KALRN: variants seen among roughly 807,000 people sequenced by gnomAD.
KALRN encodes the protein kalirin.
Under a neutral mutation model 353.7 loss-of-function variants are expected in KALRN, and 70 were observed. That is an observed-to-expected ratio of 0.20 (90% confidence interval 0.16 to 0.24). The LOEUF (loss-of-function observed/expected upper bound fraction) is 0.24, where lower values mean the gene tolerates loss of function less well. Ranked by LOEUF, KALRN falls within the 10% of genes least tolerant of loss-of-function variation. KALRN has a pLI of 1.00. For synonymous variants in KALRN, 1,391 were observed against 1,434.8 expected (o/e 0.97, Z 0.69); for missense variants, 2,791 against 3,756.7 (o/e 0.74, Z 6.72).
At chr3:124,567,516 T>G (rs896256279) in intron 34 of KALRN, among the ~76,000 whole-genome samples, 1 of 152,182 alleles carries the variant, frequency 6.6e-6, no homozygotes, top group African/African-American at 2.4e-5. Context: ...GGGCTGCCTT[T>G]CCTGCTACTT....
chr3:124,539,264 T>A (rs893271667), intron 33 of KALRN, among the ~76,000 whole-genome samples: 1 of 152,138 alleles, frequency 6.6e-6, no homozygotes, highest in African/African-American at 2.4e-5. Context: ...AGTGCAAACC[T>A]CCCACATGCA....
At chr3:124,034,027 C>A (rs896727598) in intron 1 of KALRN, among the ~76,000 whole-genome samples, 1 of 152,276 alleles carries the variant, frequency 6.6e-6, no homozygotes. Context: ...CTCCGCGCCC[C>A]TCCGCCTTCA....
At chr3:124,287,263 G>A (rs2075996868) in intron 5 of KALRN, among the ~76,000 whole-genome samples, 1 of 152,064 alleles carries the variant, frequency 6.6e-6, no homozygotes, top group African/African-American at 2.4e-5. Flanking sequence ...TCTCATACCT[G>A]TTCTCTGCTA....
rs199521557 is a variant in KALRN at position 124,314,497 on chromosome 3, AT to A, written c.1093-11480del. Among the ~76,000 whole-genome samples the A allele has an allele frequency of 1.4e-4, 22 of 151,978 alleles. No individual in the cohort carries two copies. In the South Asian group the frequency reaches 1.7e-3, roughly 12 times the overall value. Reference sequence around the variant, plus strand: ...ACATATACCCTGGAACTTAAAGTATATTTAAAAAAAAAGAATACCTGAATCT... The same window carrying A: ...ACATATACCCTGGAACTTAAAGTATATTAAAAAAAAAGAATACCTGAATCT... On this transcript the variant is annotated intron_variant, in intron 6 of 59. Transcript: ENST00000682506.
intron 1 of KALRN, among the ~76,000 whole-genome samples, chr3:124,146,802 G>C (rs1412673339): frequency 6.8e-6 from 1 of 146,284 alleles, no homozygotes; most frequent in African/African-American, 2.5e-5. Flanking sequence ...GCTTGCGCCT[G>C]GGAGGCAGAG....
chr3:124,319,433 A>G (rs2079102279), intron 6 of KALRN, among the ~76,000 whole-genome samples: 1 of 151,488 alleles, frequency 6.6e-6, no homozygotes, highest in Non-Finnish European at 1.5e-5. Flanking sequence ...GAGTGAATTG[A>G]TAAAAGTAGG....
At chr3:124,237,988 GATTAA>G (rs2079993809) in intron 3 of KALRN, among the ~76,000 whole-genome samples, 1 of 152,166 alleles carries the variant, frequency 6.6e-6, no homozygotes, top group South Asian at 2.1e-4. Context: ...TAGAATAGAT[GATTAA>G]ACAGATAGTG....
intron 33 of KALRN, among the ~76,000 whole-genome samples, chr3:124,499,236 A>G (rs888708321): frequency 1.3e-5 from 2 of 152,160 alleles, no homozygotes; most frequent in Non-Finnish European, 2.9e-5. Context: ...CAACCACTCC[A>G]TGTGTGTTAC....
chr3:124,232,396 C>T (rs2079265446), intron 2 of KALRN, among the ~76,000 whole-genome samples: 1 of 152,194 alleles, frequency 6.6e-6, no homozygotes, highest in Admixed American at 6.5e-5. Flanking sequence ...GTCTACTGTT[C>T]CACCCAAAGA....
At chr3:124,099,999 A>G (rs2061732536) in intron 1 of KALRN, among the ~76,000 whole-genome samples, 1 of 152,054 alleles carries the variant, frequency 6.6e-6, no homozygotes, top group Non-Finnish European at 1.5e-5. Context: ...CTCCATCTCT[A>G]CTAAAAATAC....
At chr3:124,647,869 T>C (rs1443798989) in intron 37 of KALRN, among the ~76,000 whole-genome samples, 1 of 152,242 alleles carries the variant, frequency 6.6e-6, no homozygotes, top group Non-Finnish European at 1.5e-5. Flanking sequence ...AATGTGTTCA[T>C]TTTAAATATG....
At chr3:124,479,169 G>C (rs1323167014) in intron 27 of KALRN, among the ~76,000 whole-genome samples, 1 of 152,142 alleles carries the variant, frequency 6.6e-6, no homozygotes, top group African/African-American at 2.4e-5. Context: ...TTTTCCCTTA[G>C]TACTACATAC....
chr3:124,328,232 T>G (rs1320428820), intron 7 of KALRN, among the ~76,000 whole-genome samples: 1 of 152,224 alleles, frequency 6.6e-6, no homozygotes, highest in Non-Finnish European at 1.5e-5. Flanking sequence ...TTGGTGGTAG[T>G]GACTGATAGT....
At chr3:124,550,256 G>C (rs531995879) in intron 33 of KALRN, among the ~76,000 whole-genome samples, 2 of 152,190 alleles carry the variant, frequency 1.3e-5, no homozygotes, top group Non-Finnish European at 2.9e-5. Context: ...GGATGGACAG[G>C]TAGTTCATCT....
intron 1 of KALRN, among the ~76,000 whole-genome samples, chr3:124,156,140 C>T (rs558608249): frequency 1.3e-5 from 2 of 152,300 alleles, no homozygotes; most frequent in East Asian, 1.9e-4. Context: ...GAAGTGGAAT[C>T]CCTCCTCTTA....
At chr3:124,578,251 C>A (rs1313743543) in intron 34 of KALRN, among the ~76,000 whole-genome samples, 1 of 152,158 alleles carries the variant, frequency 6.6e-6, no homozygotes, top group Non-Finnish European at 1.5e-5. Flanking sequence ...ATGATTAGTA[C>A]TTGGAAAGAA....
At position 124,719,414 on chromosome 3, in the gene KALRN, C is replaced by A; in HGVS notation, c.8905C>A (p.Arg2969=). ...IERRKHQNDV[R]PIPNVKSYIV... ...ACGTCGCAAGCACCAGAATGATGTGCGGCCTATTCCCAATGTCAAGAGCTA... is the reference window on the plus strand; with the variant it reads ...ACGTCGCAAGCACCAGAATGATGTGAGGCCTATTCCCAATGTCAAGAGCTA... The change falls in exon 60 of 60, where the codon CGG becomes AGG. Residue 2969 remains arginine, a synonymous_variant. Transcript: ENST00000682506. The surrounding 1 kb of genome is among the most constrained non-coding windows in gnomAD (Gnocchi z 5.3). The A allele has an allele frequency of 6.2e-7, 1 of 1,614,126 alleles. No individual in the cohort carries two copies. Among genetic ancestry groups the A allele is most frequent in the Non-Finnish European group, 8.5e-7 (1 of 1,180,016 alleles).
At chr3:124,555,636 T>C (rs574209181) in intron 33 of KALRN, among the ~76,000 whole-genome samples, 28 of 152,050 alleles carry the variant, frequency 1.8e-4, no homozygotes, top group Non-Finnish European at 3.1e-4. Flanking sequence ...AATTAACAGT[T>C]ATCTGTAAGA....
chr3:124,233,987 T>A (rs2148567135), intron 2 of KALRN, among the ~76,000 whole-genome samples: 1 of 152,318 alleles, frequency 6.6e-6, no homozygotes, highest in Non-Finnish European at 1.5e-5. Flanking sequence ...GAATACATTT[T>A]AAAATCATGT....
Sources: allele counts gnomAD v4.1 joint callset (sites outside exome capture counted in the v4.1 genomes callset), GRCh38; gene constraint gnomAD v4.1.1; non-coding constraint Gnocchi (gnomAD v3.1); transcripts MANE v1.5; gene names NCBI Gene and HGNC (gene_info 2026-07-23, HGNC 2026-07-21).